Variants in ARMC3 observed in about 807,000 individuals in gnomAD.
ARMC3 encodes armadillo repeat-containing protein 3.
Under a neutral mutation model 90.3 loss-of-function variants are expected in ARMC3, and 74 were observed. The ratio of observed to expected loss-of-function variants is 0.82; its 90% CI spans 0.68 to 0.99. The LOEUF (loss-of-function observed/expected upper bound fraction) is 0.99. ARMC3 is among the 50% of genes least tolerant of loss of function. The pLI, the probability that ARMC3 is intolerant of heterozygous loss-of-function variation, is 0.00. For synonymous variants in ARMC3, 334 were observed against 361.8 expected (o/e 0.92, Z 0.87); for missense variants, 958 against 1,042.8 (o/e 0.92, Z 1.12).
At chr10:23,015,697 T>A (rs1838241221) in intron 16 of ARMC3, among the ~76,000 whole-genome samples, 1 of 152,244 alleles carries the variant, frequency 6.6e-6, no homozygotes, top group African/African-American at 2.4e-5. Flanking sequence ...AATGATTTCC[T>A]AAAACATTTT....
chr10:23,017,117 C>T (rs1162080422), intron 16 of ARMC3, among the ~76,000 whole-genome samples: 2 of 151,566 alleles, frequency 1.3e-5, no homozygotes, highest in Non-Finnish European at 2.9e-5. Flanking sequence ...TTAAGATGAT[C>T]TCTCTGGGAA....
intron 10 of ARMC3, among the ~76,000 whole-genome samples, chr10:22,989,467 C>A (rs1836612694): frequency 6.6e-6 from 1 of 150,432 alleles, no homozygotes; most frequent in Admixed American, 6.6e-5. Context: ...ATTTTTTGCT[C>A]TTGACTTTGT....
intron 10 of ARMC3, among the ~76,000 whole-genome samples, chr10:22,991,390 A>G (rs1836702688): frequency 6.6e-6 from 1 of 151,170 alleles, no homozygotes; most frequent in Non-Finnish European, 1.5e-5. Flanking sequence ...AGCTGTTATC[A>G]TTTCACCCCA....
chr10:22,945,685 G>A (rs568821594), intron 2 of ARMC3, among the ~76,000 whole-genome samples: 1 of 152,184 alleles, frequency 6.6e-6, no homozygotes, highest in Admixed American at 6.5e-5. Flanking sequence ...AGGTATTCAA[G>A]GATTGTGTAT....
intron 16 of ARMC3, among the ~76,000 whole-genome samples, chr10:23,016,203 G>A (rs1235902461): frequency 1.3e-5 from 2 of 152,168 alleles, no homozygotes. Context: ...CTGGTATTGT[G>A]ATTATTTTCC....
intron 14 of ARMC3, among the ~76,000 whole-genome samples, chr10:23,007,566 G>A (rs111493228): frequency 1.6e-4 from 24 of 152,046 alleles, no homozygotes; most frequent in South Asian, 6.2e-4. Flanking sequence ...GTGTGGTGGC[G>A]CACGCCTGTA....
At chr10:22,943,784 T>C (rs1027381946) in intron 2 of ARMC3, among the ~76,000 whole-genome samples, 1 of 151,902 alleles carries the variant, frequency 6.6e-6, no homozygotes, top group African/African-American at 2.4e-5. Flanking sequence ...AATACAAAAA[T>C]TAGCCAGGCA....
rs1835544354 is a variant in ARMC3 at position 22,968,497 on chromosome 10, T to C, written c.916+8T>C. On this transcript the variant is annotated splice_region_variant and intron_variant, in intron 8 of 18. Transcript: ENST00000298032. Reference sequence around the variant, plus strand: ...CTAAAGCAGCTTATGATCGTATGTCTCATTTTATTTTATTTATTTTGAGAT... The same window carrying C: ...CTAAAGCAGCTTATGATCGTATGTCCCATTTTATTTTATTTATTTTGAGAT... 6 of 1,555,238 alleles carry C rather than the reference T, an allele frequency of 3.9e-6. No individual in the cohort carries two copies. The East Asian group carries it at 1.1e-4, about 29-fold the overall frequency.
chr10:22,941,525 C>G (rs920218149), intron 2 of ARMC3, among the ~76,000 whole-genome samples: 2 of 152,110 alleles, frequency 1.3e-5, no homozygotes, highest in Non-Finnish European at 2.9e-5. Flanking sequence ...ATTGAGTTAT[C>G]TAATGTGCTA....
In ARMC3 at chr10:22,959,143, CTT is replaced by C; in HGVS notation, c.361+7_361+8del. 1 of 1,609,046 alleles carries C rather than the reference CTT, an allele frequency of 6.2e-7. No homozygotes were observed. The highest frequency in any genetic ancestry group is 1.7e-5 in the Admixed American group (1 of 60,010). ...TTGCCCAGCTCGCTCCAGAAGGTAA[CTT>C]TGCATTCTATATCTGTTTTAAAAAA... On this transcript the variant is annotated splice_donor_region_variant and intron_variant, in intron 5 of 18. Coordinates refer to ENST00000298032, the MANE Select transcript of ARMC3 (RefSeq NM_173081.5).
In ARMC3 at chr10:23,003,273, C is replaced by G; in HGVS notation, c.1590C>G (p.Asn530Lys). The part of the protein sequence containing the change: ...LGALDILEEV[N>K]VSGTRKNKFS... The stretch of plus-strand genomic sequence containing the variant: ...CTTTAGATATCCTTGAAGAAGTTAA[C>G]GTATCAGGAACTCGGAAAAATAAAT... Residue 530 changes from asparagine to lysine, a missense_variant, in exon 13 of 19, where the codon AAC becomes AAG. Coordinates refer to ENST00000298032, the MANE Select transcript of ARMC3 (RefSeq NM_173081.5). 6.2e-7 allele frequency: 1 copy of G among 1,612,454 alleles called. No homozygotes were observed. Among genetic ancestry groups the G allele is most frequent in the African/African-American group, 1.3e-5 (1 of 74,956 alleles).
At chr10:22,949,733 C>CT (rs2131203996) in intron 3 of ARMC3, among the ~76,000 whole-genome samples, 1 of 152,118 alleles carries the variant, frequency 6.6e-6, no homozygotes, top group Admixed American at 6.5e-5. Context: ...GATGAAAACT[C>CT]TAAGTCCATG....
chr10:22,932,702 T>C (rs980789540), intron 2 of ARMC3, among the ~76,000 whole-genome samples: 1 of 152,222 alleles, frequency 6.6e-6, no homozygotes, highest in African/African-American at 2.4e-5. Flanking sequence ...TGTGATTTCC[T>C]TCAGATAAAT....
intron 12 of ARMC3, among the ~76,000 whole-genome samples, chr10:23,002,290 AC>A (rs1454020995): frequency 6.6e-6 from 1 of 152,140 alleles, no homozygotes; most frequent in Non-Finnish European, 1.5e-5. Flanking sequence ...TTTTCTTCTA[AC>A]CCCTTTATCT....
intron 2 of ARMC3, among the ~76,000 whole-genome samples, chr10:22,941,146 G>A (rs1242626624): frequency 6.6e-6 from 1 of 152,172 alleles, no homozygotes; most frequent in Non-Finnish European, 1.5e-5. Context: ...AGGCGAAACT[G>A]ATCTGCAGTG....
In ARMC3 at chr10:23,022,298, TTC is replaced by T. The variant is rs1462346141; in HGVS notation, c.2046-8292_2046-8291del. Among the ~76,000 whole-genome samples, 5 of 152,358 alleles carry T rather than the reference TTC, an allele frequency of 3.3e-5. No homozygotes were observed. In the East Asian group the frequency reaches 9.6e-4, roughly 29 times the overall value. The stretch of plus-strand genomic sequence containing the variant: ...GAACATTTGATGAAAAGCAACATTT[TTC>T]TCTCTTGAATTATCTTTGTACCTTT... On this transcript the variant is annotated intron_variant, in intron 16 of 18. Coordinates refer to ENST00000298032, the MANE Select transcript of ARMC3 (RefSeq NM_173081.5).
chr10:23,005,169 T>C (rs548238762), intron 13 of ARMC3, among the ~76,000 whole-genome samples: 2 of 130,280 alleles, frequency 1.5e-5, no homozygotes, highest in Admixed American at 9.5e-5. Flanking sequence ...GCCGAGATCA[T>C]ACCACTGCAC....
intron 18 of ARMC3, among the ~76,000 whole-genome samples, chr10:23,035,408 G>C (rs1271799864): frequency 6.6e-6 from 1 of 152,036 alleles, no homozygotes; most frequent in East Asian, 1.9e-4. Context: ...ATGCCAAACA[G>C]AATTACCCTC....
chr10:22,975,574 A>G (rs996833400), intron 8 of ARMC3, among the ~76,000 whole-genome samples: 1 of 152,204 alleles, frequency 6.6e-6, no homozygotes, highest in African/African-American at 2.4e-5. Context: ...TCAAAAAAAC[A>G]AAAATGAAAA....
Sources: allele counts gnomAD v4.1 joint callset (sites outside exome capture counted in the v4.1 genomes callset), GRCh38; gene constraint gnomAD v4.1.1; transcripts MANE v1.5; gene names NCBI Gene and HGNC (gene_info 2026-07-23, HGNC 2026-07-21).